NWD2: variants seen among roughly 807,000 people sequenced by gnomAD.
NWD2 encodes the protein NACHT and WD repeat domain containing 2.
A neutral mutation model predicts 132.7 loss-of-function variants in NWD2; 37 were observed. The ratio of observed to expected loss-of-function variants is 0.28; its 90% confidence interval spans 0.21 to 0.37. NWD2 has a LOEUF of 0.37. Among genes scored for constraint, NWD2 ranks in the 10% least tolerant of loss-of-function variants. The pLI is 1.00. For synonymous variants in NWD2, 705 were observed against 803.0 expected (o/e 0.88, Z 2.06); for missense variants, 1,592 against 2,122.4 (o/e 0.75, Z 4.91).
At chr4:37,393,546 A>C (rs2109312657) in intron 3 of NWD2, among the ~76,000 whole-genome samples, 2 of 152,292 alleles carry the variant, frequency 1.3e-5, no homozygotes, top group South Asian at 4.1e-4. Context: ...GGAAATGCAA[A>C]ATGGATGCAA....
intron 3 of NWD2, among the ~76,000 whole-genome samples, chr4:37,376,884 G>A (rs1454825567): frequency 6.6e-6 from 1 of 151,922 alleles, no homozygotes; most frequent in Non-Finnish European, 1.5e-5. Flanking sequence ...TTTTATCTTT[G>A]TCCTTTGTCC....
chr4:37,438,598 AT>A (rs1203163085), intron 5 of NWD2, among the ~76,000 whole-genome samples: 2 of 152,206 alleles, frequency 1.3e-5, no homozygotes, highest in African/African-American at 4.8e-5. Context: ...AAATTAGATA[AT>A]TTTATGTAAA....
intron 3 of NWD2, among the ~76,000 whole-genome samples, chr4:37,394,829 G>C (rs910530086): frequency 4.1e-4 from 1 of 2,420 alleles, no homozygotes; most frequent in Non-Finnish European, 1.1e-3. Context: ...TTTTTTTTTT[G>C]AGGCAGAGCC....
chr4:37,325,254 T>C (rs1369003375), intron 1 of NWD2, among the ~76,000 whole-genome samples: 1 of 152,180 alleles, frequency 6.6e-6, no homozygotes, highest in African/African-American at 2.4e-5. Context: ...TGACAGGAGA[T>C]AATAAAATAT....
At chr4:37,416,144 C>T (rs1711590665) in intron 3 of NWD2, among the ~76,000 whole-genome samples, 1 of 152,168 alleles carries the variant, frequency 6.6e-6, no homozygotes, top group Non-Finnish European at 1.5e-5. Flanking sequence ...GAAGTGAGAG[C>T]CTGTTGTGGG....
intron 1 of NWD2, among the ~76,000 whole-genome samples, chr4:37,267,881 T>C (rs1717789649): frequency 6.6e-6 from 1 of 151,880 alleles, no homozygotes; most frequent in Non-Finnish European, 1.5e-5. Context: ...CGATTATAAC[T>C]CTGAAAGCCA....
intron 1 of NWD2, among the ~76,000 whole-genome samples, chr4:37,304,248 G>A (rs949813257): frequency 6.6e-6 from 1 of 152,086 alleles, no homozygotes; most frequent in Non-Finnish European, 1.5e-5. Context: ...GAACAGCAAG[G>A]GGGAAGTTTG....
chr4:37,287,345 G>GC (rs377655837), intron 1 of NWD2, among the ~76,000 whole-genome samples: 16 of 125,756 alleles, frequency 1.3e-4, no homozygotes, highest in African/African-American at 4.4e-4. Context: ...TTTTTGCGAC[G>GC]GGGGGCAGCA....
chr4:37,287,196 G>A (rs918435294), intron 1 of NWD2, among the ~76,000 whole-genome samples: 1 of 152,172 alleles, frequency 6.6e-6, no homozygotes, highest in African/African-American at 2.4e-5. Context: ...CATGCTACCG[G>A]GGCCTAGGGT....
intron 1 of NWD2, among the ~76,000 whole-genome samples, chr4:37,256,136 A>C (rs1443113910): frequency 6.6e-6 from 1 of 152,188 alleles, no homozygotes. Flanking sequence ...GGCTCAGTGG[A>C]AAACAGCAGT....
chr4:37,445,303 G>A lies in NWD2; in HGVS notation c.3315G>A (p.Gln1105=). 6.4e-7 allele frequency: 1 copy of A among 1,552,086 alleles called. No individual in the cohort carries two copies. Among genetic ancestry groups the A allele is most frequent in the Non-Finnish European group, 8.7e-7 (1 of 1,147,086 alleles). The part of the protein sequence containing the change: ...FHCWYEVTCV[Q]CSLDGLYAFC... ...GCTGGTATGAAGTGACGTGCGTCCA[G>A]TGCTCCCTGGATGGTCTGTATGCTT... Residue 1105 remains glutamine, a synonymous_variant, in exon 7 of 7, where the codon CAG becomes CAA. Coordinates refer to ENST00000309447, the MANE Select transcript of NWD2 (RefSeq NM_001144990.2). This position sits in a 1 kb window ranked among gnomAD's most constrained non-coding sequence, Gnocchi z 4.7.
chr4:37,303,710 C>T lies in NWD2; in HGVS notation c.152-22226C>T, dbSNP rs139361357. The stretch of plus-strand genomic sequence containing the variant: ...TTATTTTTTGTTACAATTACAAATG[C>T]GATTGATTTCTTTTTCAGCTAGTTC... On this transcript the variant is annotated intron_variant, in intron 1 of 6. Coordinates refer to ENST00000309447, the MANE Select transcript of NWD2 (RefSeq NM_001144990.2). Among the ~76,000 whole-genome samples the T allele has an allele frequency of 7.9e-5, 12 of 152,062 alleles. No homozygotes were observed. The East Asian group carries it at 2.1e-3, about 27-fold the overall frequency.
rs1717201368 is a variant in NWD2 at position 37,245,063 on chromosome 4, G to A, written c.-5G>A. On this transcript the variant is annotated 5_prime_UTR_variant, in exon 1 of 7. Transcript: ENST00000309447. ...GGCGGCAGTGGCTGTTCCTCCCAGA[G>A]GGCGATGTGGCCGGCCGGCGCGGGC... 1 of 1,544,728 alleles carries A rather than the reference G, an allele frequency of 6.5e-7. No individual in the cohort carries two copies. The highest frequency in any genetic ancestry group is 1.4e-5 in the African/African-American group (1 of 73,002).
chr4:37,379,218 G>T (rs1175945609), intron 3 of NWD2, among the ~76,000 whole-genome samples: 1 of 152,212 alleles, frequency 6.6e-6, no homozygotes, highest in Non-Finnish European at 1.5e-5. Context: ...TTCACAGGAA[G>T]AATTGTGATG....
At chr4:37,389,157 G>A (rs1374542661) in intron 3 of NWD2, among the ~76,000 whole-genome samples, 1 of 152,156 alleles carries the variant, frequency 6.6e-6, no homozygotes, top group Non-Finnish European at 1.5e-5. Flanking sequence ...CCTGCCATGT[G>A]CTATTCATGC....
chr4:37,341,878 G>A (rs986323523), intron 2 of NWD2, among the ~76,000 whole-genome samples: 3 of 152,238 alleles, frequency 2.0e-5, no homozygotes, highest in South Asian at 2.1e-4. Flanking sequence ...TTTTTAAAAG[G>A]ATCCATCTGC....
chr4:37,419,298 T>C (rs1278496164), intron 3 of NWD2, among the ~76,000 whole-genome samples: 1 of 152,178 alleles, frequency 6.6e-6, no homozygotes, highest in Non-Finnish European at 1.5e-5. Flanking sequence ...ATAAAAGTCC[T>C]GGAATAAAAC....
At chr4:37,356,154 C>G (rs1719867639) in intron 2 of NWD2, among the ~76,000 whole-genome samples, 1 of 152,102 alleles carries the variant, frequency 6.6e-6, no homozygotes, top group African/African-American at 2.4e-5. Context: ...CCCATGTCAG[C>G]AGTATAATCA....
At chr4:37,377,546 A>G (rs1720369028) in intron 3 of NWD2, among the ~76,000 whole-genome samples, 1 of 152,200 alleles carries the variant, frequency 6.6e-6, no homozygotes. Flanking sequence ...AGCCTGACCA[A>G]CATGGAGAAA....
Sources: gnomAD v4.1 joint callset for allele counts (sites outside exome capture counted in the v4.1 genomes callset) on GRCh38, gnomAD v4.1.1 for gene constraint, Gnocchi (gnomAD v3.1) non-coding constraint, MANE v1.5 for transcripts, NCBI Gene and HGNC (gene_info 2026-07-23, HGNC 2026-07-21) for gene names.